PCDHGA6: variants seen among roughly 807,000 people sequenced by gnomAD.
The protein encoded by PCDHGA6 is protocadherin gamma subfamily A, 6, also known as protocadherin gamma-A6.
PCDHGA6 carries 41 observed loss-of-function variants against 60.6 expected under a neutral mutation model. The observed-to-expected ratio is 0.68, with a 90% CI of 0.53 to 0.88. The LOEUF (loss-of-function observed/expected upper bound fraction) is 0.88. PCDHGA6 is among the 40% of genes least tolerant of loss of function. The pLI is 0.00. For missense variants in PCDHGA6, 1,312 were observed against 1,203.0 expected, an observed-to-expected ratio of 1.09 and a Z score of -1.34; for synonymous variants, 594 against 524.4, an observed-to-expected ratio of 1.13 and a Z score of -1.81.
At chr5:141,427,901 G>C (rs2097088177) in intron 1 of PCDHGA6, 6 of 1,572,234 alleles carry the variant, frequency 3.8e-6, no homozygotes, top group East Asian at 2.2e-5. Flanking sequence ...GCTCGCCCGC[G>C]CTCAGCGCCA....
intron 1 of PCDHGA6, among the ~76,000 whole-genome samples, chr5:141,402,766 A>T (rs1321674206): frequency 6.6e-6 from 1 of 152,232 alleles, no homozygotes; most frequent in African/African-American, 2.4e-5. Context: ...TCAGGACTCC[A>T]TCCGGATTTC....
intron 1 of PCDHGA6, chr5:141,478,104 CTG>C: frequency 6.2e-7 from 1 of 1,614,118 alleles, no homozygotes; most frequent in Middle Eastern, 1.6e-4. Context: ...GCTACCCTCA[CTG>C]TGTCAGTAAC....
At chr5:141,394,727 C>A in intron 1 of PCDHGA6, 1 of 1,613,436 alleles carries the variant, frequency 6.2e-7, no homozygotes, top group East Asian at 2.2e-5. Flanking sequence ...GAGATGCGCT[C>A]AAGCAGAGCC....
intron 2 of PCDHGA6, among the ~76,000 whole-genome samples, chr5:141,501,026 G>A (rs1053442173): frequency 7.9e-5 from 12 of 151,608 alleles, no homozygotes; most frequent in Non-Finnish European, 1.5e-4. Flanking sequence ...GCGCCACCAC[G>A]CCCAGCTAAT....
At chr5:141,389,893 T>TGCCGGATATCACTGACC in intron 1 of PCDHGA6, 1 of 1,614,094 alleles carries the variant, frequency 6.2e-7, no homozygotes, top group Non-Finnish European at 8.5e-7. Context: ...CAGGAGGTGC[T>TGCCGGATATCACTGACC]GCCGGATATC....
rs757439486 is a variant in PCDHGA6, at chr5:141,374,683, G to A, written c.600G>A (p.Leu200=). The stretch of plus-strand genomic sequence containing the variant: ...CGGAGCTGGTGCTGGAGGGCACACT[G>A]GACCGGGAAGGAGAAGCCGTTTACC... ...KYPELVLEGT[L]DREGEAVYRL... is the part of the protein sequence containing the mutation. Residue 200 remains leucine (L), a synonymous_variant, in exon 1 of 4, where the codon CTG becomes CTA. Coordinates refer to ENST00000517434, the MANE Select transcript of PCDHGA6 (RefSeq NM_018919.3). The A allele has an allele frequency of 1.9e-6, 3 of 1,609,586 alleles. No individual in the cohort carries two copies. The highest frequency in any genetic ancestry group is 2.2e-5 in the South Asian group (2 of 90,576).
rs1479166064 is a variant in PCDHGA6 at position 141,375,492 on chromosome 5, C to G, written c.1409C>G (p.Ser470Cys). 16 of 1,614,008 alleles carry G rather than the reference C, an allele frequency of 9.9e-6. No homozygotes were observed. The highest frequency in any genetic ancestry group is 1.4e-5 in the Non-Finnish European group (16 of 1,179,984). ...YVLENNPRGASIFSVNALDPD... is the reference protein window; with the variant it reads ...YVLENNPRGACIFSVNALDPD... Reference sequence around the variant, plus strand: ...CTTGAAAACAACCCCAGGGGTGCCTCCATCTTCTCTGTGAATGCACTGGAC... The same window carrying G: ...CTTGAAAACAACCCCAGGGGTGCCTGCATCTTCTCTGTGAATGCACTGGAC... The change falls in exon 1 of 4, where the codon TCC (serine) becomes TGC (cysteine). Residue 470 changes from serine to cysteine, a missense_variant. By Grantham distance (112) the Ser-to-Cys change is moderately radical (BLOSUM62 -1). Transcript: ENST00000517434.
intron 1 of PCDHGA6, among the ~76,000 whole-genome samples, chr5:141,446,714 G>T (rs193229261): frequency 2.6e-5 from 4 of 152,044 alleles, no homozygotes; most frequent in African/African-American, 9.7e-5. Flanking sequence ...TGATCTGCCC[G>T]CCTCGGCCTC....
At chr5:141,388,742 G>C (rs1340234849) in intron 1 of PCDHGA6, 1 of 1,613,886 alleles carries the variant, frequency 6.2e-7, no homozygotes, top group Non-Finnish European at 8.5e-7. Context: ...AAGCTAGCCA[G>C]ATCACCCAAT....
At chr5:141,409,840 G>A (rs1361942011) in intron 1 of PCDHGA6, 3 of 1,611,558 alleles carry the variant, frequency 1.9e-6, no homozygotes, top group African/African-American at 1.3e-5. Flanking sequence ...GCGCCAACGT[G>A]AGCCTGCGCG....
Position 141,477,265 on chromosome 5 carries a change from G to T in PCDHGA6, c.2425-17542G>T. On this transcript the variant is annotated intron_variant, in intron 1 of 3. Coordinates refer to ENST00000517434, the MANE Select transcript of PCDHGA6 (RefSeq NM_018919.3). The surrounding 1 kb of genome is among the most constrained non-coding windows in gnomAD (Gnocchi z 4.9). ...GTGTGACTGACCTGGATGCTGGCGA[G>T]AACGGGCTGGTGACCTGCGAAGTTC... 6.2e-7 allele frequency: 1 copy of T among 1,614,198 alleles called. No individual in the cohort carries two copies. Among genetic ancestry groups the T allele is most frequent in the Non-Finnish European group, 8.5e-7 (1 of 1,180,044 alleles).
chr5:141,394,362 C>T, intron 1 of PCDHGA6: 1 of 1,614,174 alleles, frequency 6.2e-7, no homozygotes, highest in Non-Finnish European at 8.5e-7. Flanking sequence ...CCTGTATGCG[C>T]TGCAATCTTT....
intron 1 of PCDHGA6, chr5:141,395,466 TC>T (rs951026760): frequency 3.5e-6 from 2 of 577,354 alleles, no homozygotes; most frequent in Non-Finnish European, 5.8e-6. Context: ...TTTTAAGCCT[TC>T]CAGTATTTTA....
chr5:141,492,396 A>G (rs1400291073), intron 1 of PCDHGA6, among the ~76,000 whole-genome samples: 1 of 152,188 alleles, frequency 6.6e-6, no homozygotes, highest in Non-Finnish European at 1.5e-5. Flanking sequence ...GTCCACTCGC[A>G]GCTCCCCTCT....
At chr5:141,394,285 T>C (rs1463926417) in intron 1 of PCDHGA6, 2 of 1,613,942 alleles carry the variant, frequency 1.2e-6, no homozygotes, top group Admixed American at 1.7e-5. Context: ...ACTTACTCTG[T>C]GACCGAGGAC....
In PCDHGA6 at chr5:141,374,121, A is replaced by G; in HGVS notation, c.38A>G (p.Gln13Arg). The G allele has an allele frequency of 3.3e-5, 53 of 1,590,920 alleles. No individual in the cohort carries two copies. The highest frequency in any genetic ancestry group is 4.5e-5 in the Non-Finnish European group (53 of 1,166,360). Residue 13 changes from glutamine to arginine, a missense_variant, in exon 1 of 4, where the codon CAG becomes CGG. Physicochemically the swap from Gln to Arg is conservative, Grantham distance 43 (BLOSUM62 1). Coordinates refer to ENST00000517434, the MANE Select transcript of PCDHGA6 (RefSeq NM_018919.3). ...PPQRHPQRSE[Q>R]VLLLTLLGTL... ...CAGAGGCATCCGCAGCGCAGCGAGC[A>G]GGTCCTGCTCCTCACGCTCCTGGGG...
chr5:141,403,927 G>A, intron 1 of PCDHGA6: 3 of 1,613,852 alleles, frequency 1.9e-6, no homozygotes, highest in East Asian at 2.2e-5. Context: ...AAGATGGTGG[G>A]GGATTGAAAG....
rs1344998245 is a variant in PCDHGA6 at position 141,400,678 on chromosome 5, T to C, written c.2424+24171T>C. 7.9e-6 allele frequency: 7 copies of C among 881,884 alleles called. No homozygotes were observed. The East Asian group carries it at 1.5e-4, about 19-fold the overall frequency. The allele number at this position is 881,884 out of a possible 1,614,324, so 54.6% of individuals were successfully genotyped here. On this transcript the variant is annotated intron_variant, in intron 1 of 3. Coordinates refer to ENST00000517434, the MANE Select transcript of PCDHGA6 (RefSeq NM_018919.3). ...ACCATTCTTTAAGAGGAGCAGTAAA[T>C]TGTGAGTTTTTATGTCGCATAAAAG...
chr5:141,390,016 T>G (rs768656280), intron 1 of PCDHGA6: 2 of 1,613,978 alleles, frequency 1.2e-6, no homozygotes, highest in East Asian at 4.5e-5. Context: ...GCCATTGCCT[T>G]GCGCCTGCGA....
Sources: allele counts gnomAD v4.1 joint callset (sites outside exome capture counted in the v4.1 genomes callset), GRCh38; gene constraint gnomAD v4.1.1; non-coding constraint Gnocchi (gnomAD v3.1); transcripts MANE v1.5; gene names NCBI Gene and HGNC (gene_info 2026-07-23, HGNC 2026-07-21).